The following SEPTIN7 variants were observed in gnomAD, a reference collection of about 807,000 sequenced individuals.
SEPTIN7 encodes septin 7, also known as septin-7.
A neutral mutation model predicts 63.3 loss-of-function variants in SEPTIN7; 10 were observed. The ratio of observed to expected loss-of-function variants is 0.16; its 90% CI spans 0.10 to 0.27. The LOEUF (loss-of-function observed/expected upper bound fraction) is 0.27. Among genes scored for constraint, SEPTIN7 ranks in the 10% least tolerant of loss-of-function variants. The pLI is 1.00. For missense variants in SEPTIN7, 310 were observed against 521.0 expected, an observed-to-expected ratio of 0.59 and a Z score of 3.94; for synonymous variants, 131 against 165.3, an observed-to-expected ratio of 0.79 and a Z score of 1.59.
chr7:35,827,875 G>A (rs1169734915), intron 1 of SEPTIN7, among the ~76,000 whole-genome samples: 2 of 152,140 alleles, frequency 1.3e-5, no homozygotes, highest in South Asian at 2.1e-4. Flanking sequence ...ACTTCTATAC[G>A]AATTTTGGGA....
chr7:35,857,650 G>A (rs1259482020), intron 3 of SEPTIN7, among the ~76,000 whole-genome samples: 2 of 152,072 alleles, frequency 1.3e-5, no homozygotes, highest in African/African-American at 2.4e-5. Flanking sequence ...GGTATACAGC[G>A]TATTGCTTCA....
In SEPTIN7 at chr7:35,904,986, T is replaced by G. The variant is rs1039185270; in HGVS notation, c.*693T>G. On this transcript the variant is annotated 3_prime_UTR_variant, in exon 14 of 14. Coordinates refer to ENST00000350320, the MANE Select transcript of SEPTIN7 (RefSeq NM_001788.6). The stretch of plus-strand genomic sequence containing the variant: ...TTTAATTTAGATATTTTCCATATAT[T>G]GGCACTGCTAAAATAGAATATAGCA... The G allele has an allele frequency of 1.3e-5, 2 of 152,630 alleles. No homozygotes were observed. Among genetic ancestry groups the G allele is most frequent in the Non-Finnish European group, 2.9e-5 (2 of 68,014 alleles). 9.5% of individuals were successfully genotyped at this position (152,630 alleles called of 1,614,324 possible). A position where few individuals can be genotyped will look rare whatever the true frequency, so the allele number is the denominator to read the frequency against.
intron 3 of SEPTIN7, among the ~76,000 whole-genome samples, chr7:35,853,733 T>C (rs924600511): frequency 1.3e-4 from 20 of 152,222 alleles, no homozygotes; most frequent in African/African-American, 4.3e-4. Flanking sequence ...TAAGTGTTAT[T>C]GTTAATGAAG....
At chr7:35,838,767 A>G (rs908598859) in intron 3 of SEPTIN7, 1 of 152,192 alleles carries the variant, frequency 6.6e-6, no homozygotes, top group African/African-American at 2.4e-5. Context: ...TATAAAGACT[A>G]AATGACTAAT....
At chr7:35,878,495 C>T (rs1404084743) in intron 6 of SEPTIN7, among the ~76,000 whole-genome samples, 1 of 152,036 alleles carries the variant, frequency 6.6e-6, no homozygotes, top group Non-Finnish European at 1.5e-5. Flanking sequence ...GGCATCTGGC[C>T]TTTAGTAAGA....
chr7:35,808,939 C>T (rs1045465501), intron 1 of SEPTIN7, among the ~76,000 whole-genome samples: 1 of 152,108 alleles, frequency 6.6e-6, no homozygotes, highest in African/African-American at 2.4e-5. Flanking sequence ...GTGTATCTAA[C>T]AAATACACTA....
intron 1 of SEPTIN7, among the ~76,000 whole-genome samples, chr7:35,830,214 G>A (rs1270716851): frequency 2.0e-5 from 3 of 151,836 alleles, no homozygotes; most frequent in Non-Finnish European, 4.4e-5. Context: ...AATAAAAAAA[G>A]CAACAAGTGC....
At chr7:35,832,382 A>G (rs1297268008) in intron 2 of SEPTIN7, among the ~76,000 whole-genome samples, 1 of 152,072 alleles carries the variant, frequency 6.6e-6, no homozygotes, top group Admixed American at 6.5e-5. Context: ...CCTGTGGTAT[A>G]ATTAGTCAGT....
intron 3 of SEPTIN7, among the ~76,000 whole-genome samples, chr7:35,850,034 A>G (rs1188430124): frequency 6.6e-6 from 1 of 152,252 alleles, no homozygotes; most frequent in Non-Finnish European, 1.5e-5. Context: ...CAACATGAAC[A>G]TAAGAATTTC....
chr7:35,831,761 G>A (rs980901149), intron 2 of SEPTIN7: 1 of 234,770 alleles, frequency 4.3e-6, no homozygotes, highest in Non-Finnish European at 8.4e-6. Context: ...ATGAACAAAA[G>A]AGCCAAAGAT....
Position 35,898,287 on chromosome 7 carries a change from T to A in SEPTIN7, c.1038T>A (p.His346Gln). ...LAQMEEERREHVAKMKKMEME... is the reference protein window; with the variant it reads ...LAQMEEERREQVAKMKKMEME... ...AAATGGAAGAAGAAAGAAGGGAGCA[T>A]GTAGCTAAAATGAAGAAGATGGAGA... is the stretch of plus-strand genomic sequence containing the variant. The change falls in exon 12 of 14, where the codon CAT (histidine) becomes CAA (glutamine). Residue 346 changes from histidine (H) to glutamine (Q), a missense_variant. Physicochemically the swap from His to Gln is conservative, Grantham distance 24. Coordinates refer to ENST00000350320, the MANE Select transcript of SEPTIN7 (RefSeq NM_001788.6). The A allele has an allele frequency of 1.3e-6, 2 of 1,551,918 alleles. No homozygotes were observed. Among genetic ancestry groups the A allele is most frequent in the Non-Finnish European group, 8.7e-7 (1 of 1,146,676 alleles).
chr7:35,892,439 T>C lies in SEPTIN7; in HGVS notation c.998+1646T>C, dbSNP rs554558010. 7.9e-4 allele frequency among the ~76,000 whole-genome samples: 121 copies of C among 152,246 alleles called. 1 individual carries two copies. The highest frequency in any genetic ancestry group is 2.8e-3 in the African/African-American group (115 of 41,568). ...AAAATCCTAATTCACTTTAAACTTA[T>C]CATTAACGATGCACTTTTTAACTCA... On this transcript the variant is annotated intron_variant, in intron 11 of 13. Transcript: ENST00000350320.
At chr7:35,911,734 T>C (rs1454243857), downstream of SEPTIN7, among the ~76,000 whole-genome samples, 1 of 152,186 alleles carries the variant, frequency 6.6e-6, no homozygotes, top group Non-Finnish European at 1.5e-5. Context: ...AGCTAAACAT[T>C]AAGGATTTGT....
chr7:35,856,714 A>G (rs1562552712), intron 3 of SEPTIN7, among the ~76,000 whole-genome samples: 1 of 152,114 alleles, frequency 6.6e-6, no homozygotes, highest in East Asian at 1.9e-4. Context: ...ATATAGCTCA[A>G]GGGGGAGCTT....
intron 8 of SEPTIN7, among the ~76,000 whole-genome samples, chr7:35,883,629 A>G (rs1392325039): frequency 2.7e-5 from 4 of 149,982 alleles, no homozygotes; most frequent in African/African-American, 9.8e-5. Context: ...GATTTTTAGT[A>G]AATAATTTGA....
intron 3 of SEPTIN7, among the ~76,000 whole-genome samples, chr7:35,857,974 G>T (rs567194691): frequency 3.9e-5 from 6 of 152,014 alleles, no homozygotes; most frequent in Non-Finnish European, 7.4e-5. Context: ...ACAGAGTCTT[G>T]CTCTGTCACC....
At chr7:35,896,774 G>A (rs1215500526) in intron 11 of SEPTIN7, among the ~76,000 whole-genome samples, 1 of 152,206 alleles carries the variant, frequency 6.6e-6, no homozygotes, top group African/African-American at 2.4e-5. Flanking sequence ...TGTCAGGTTA[G>A]CATGTAGAAG....
At chr7:35,908,397 C>G (rs1294423763), downstream of SEPTIN7, among the ~76,000 whole-genome samples, 1 of 152,174 alleles carries the variant, frequency 6.6e-6, no homozygotes, top group Non-Finnish European at 1.5e-5. Flanking sequence ...CTGGACCCAG[C>G]CAAACAGCCT....
downstream of SEPTIN7, among the ~76,000 whole-genome samples, chr7:35,908,017 A>G (rs191001330): frequency 2.6e-5 from 4 of 152,310 alleles, no homozygotes; most frequent in African/African-American, 7.2e-5. Flanking sequence ...GCATGGTGCC[A>G]TGGTAAGTCT....
Sources: gnomAD v4.1 joint callset for allele counts (sites outside exome capture counted in the v4.1 genomes callset) on GRCh38, gnomAD v4.1.1 for gene constraint, MANE v1.5 for transcripts, NCBI Gene and HGNC (gene_info 2026-07-23, HGNC 2026-07-21) for gene names.